ADAM28: variants seen among roughly 807,000 people sequenced by gnomAD.
ADAM28 encodes the protein ADAM metallopeptidase domain 28, also known as disintegrin and metalloproteinase domain-containing protein 28.
ADAM28 carries 105 observed loss-of-function variants against 101.2 expected under a neutral mutation model. The ratio of observed to expected loss-of-function variants is 1.04; its 90% CI spans 0.89 to 1.22. The LOEUF (loss-of-function observed/expected upper bound fraction) is 1.22, where lower values mean the gene tolerates loss of function less well. Ranked by LOEUF, ADAM28 falls within the 50% of genes most tolerant of loss-of-function variation. The pLI is 0.00. For synonymous variants in ADAM28, 322 were observed against 310.6 expected (o/e 1.04, Z -0.39); for missense variants, 1,028 against 945.4 (o/e 1.09, Z -1.15).
In ADAM28 at chr8:24,355,765, G is replaced by A. The variant is rs1209573572; in HGVS notation, c.*1361G>A. 1 of 152,026 alleles carries A rather than the reference G, an allele frequency of 6.6e-6. No homozygotes were observed. The highest frequency in any genetic ancestry group is 1.5e-5 in the Non-Finnish European group (1 of 67,994). 9.4% of individuals were successfully genotyped at this position (152,026 alleles called of 1,614,324 possible). A position where few individuals can be genotyped will look rare whatever the true frequency, so the allele number is the denominator to read the frequency against. The stretch of plus-strand genomic sequence containing the variant: ...GCTGGAGTTACCTCACACTTTCTTG[G>A]TACTCCTTATTATATGAGCCATACA... On this transcript the variant is annotated 3_prime_UTR_variant, in exon 23 of 23. Coordinates refer to ENST00000265769, the MANE Select transcript of ADAM28 (RefSeq NM_014265.6).
intron 1 of ADAM28, among the ~76,000 whole-genome samples, chr8:24,297,165 TTTTG>T (rs1382681106): frequency 6.7e-6 from 1 of 148,846 alleles, no homozygotes; most frequent in African/African-American, 2.6e-5. Flanking sequence ...GTGGGTTTTT[TTTTG>T]TTGTTGTTGT....
Position 24,321,244 on chromosome 8 carries a change from T to A in ADAM28, c.675T>A (p.Asp225Glu), listed in dbSNP as rs1811836455. The A allele has an allele frequency of 1.9e-6, 3 of 1,606,034 alleles. No individual in the cohort carries two copies. Among genetic ancestry groups the A allele is most frequent in the African/African-American group, 2.7e-5 (2 of 74,548 alleles). The change falls in exon 8 of 23, where the codon GAT (aspartate) becomes GAA (glutamate). Residue 225 changes from aspartate (D) to glutamate (E), a missense_variant. Asp to Glu is a conservative substitution (Grantham distance 45). Coordinates refer to ENST00000265769, the MANE Select transcript of ADAM28 (RefSeq NM_014265.6). ...GEFKRYNENQDEIRKRVFEMA... is the reference protein window; with the variant it reads ...GEFKRYNENQEEIRKRVFEMA... Reference sequence around the variant, plus strand: ...TTAAAAGGTACAATGAGAATCAAGATGAGATCAGAAAGAGGGTATTTGAGA... The same window carrying A: ...TTAAAAGGTACAATGAGAATCAAGAAGAGATCAGAAAGAGGGTATTTGAGA...
intron 2 of ADAM28, among the ~76,000 whole-genome samples, chr8:24,300,698 G>A (rs1048967630): frequency 1.3e-5 from 2 of 152,172 alleles, no homozygotes; most frequent in East Asian, 1.9e-4. Flanking sequence ...TTACAGGCGT[G>A]AGCTACCGCC....
chr8:24,325,680 T>C (rs1421421493), intron 9 of ADAM28, among the ~76,000 whole-genome samples: 2 of 151,586 alleles, frequency 1.3e-5, no homozygotes, highest in Non-Finnish European at 3.0e-5. Flanking sequence ...CTGCAGGGAA[T>C]GAAAAATTGG....
At chr8:24,351,614 T>C in intron 20 of ADAM28, 1 of 492,616 alleles carries the variant, frequency 2.0e-6, no homozygotes, top group Non-Finnish European at 3.7e-6. Flanking sequence ...ACACTCCCTC[T>C]AGCTTATTTC....
chr8:24,350,240 T>C (rs1299010330), intron 19 of ADAM28, among the ~76,000 whole-genome samples: 2 of 152,190 alleles, frequency 1.3e-5, no homozygotes. Flanking sequence ...ACAGATTTTT[T>C]GAATTTGTTG....
intron 1 of ADAM28, among the ~76,000 whole-genome samples, chr8:24,297,642 G>T (rs1408892760): frequency 2.6e-5 from 4 of 152,326 alleles, no homozygotes; most frequent in African/African-American, 9.6e-5. Context: ...ATTAGCTACT[G>T]TAATGTACCA....
chr8:24,334,117 T>C (rs1813707778), intron 13 of ADAM28, among the ~76,000 whole-genome samples: 1 of 152,124 alleles, frequency 6.6e-6, no homozygotes. Context: ...TTGTTAGAGA[T>C]TATGGTAGGT....
chr8:24,329,830 ACTCT>A (rs113169158), intron 10 of ADAM28, among the ~76,000 whole-genome samples, 151 bp from the exon 11 acceptor site: 1 of 142,008 alleles, frequency 7.0e-6, no homozygotes, highest in African/African-American at 2.6e-5. Flanking sequence ...TCCATTTAGT[ACTCT>A]CTCTCTCTTG....
At position 24,320,226 on chromosome 8, in the gene ADAM28, T is replaced by G. The variant is rs748183030; in HGVS notation, c.577-10T>G. The G allele has an allele frequency of 1.5e-5, 23 of 1,560,308 alleles. No homozygotes were observed. Among genetic ancestry groups the G allele is most frequent in the Non-Finnish European group, 1.9e-5 (22 of 1,136,262 alleles). On this transcript the variant is annotated splice_polypyrimidine_tract_variant and intron_variant, in intron 6 of 22. Coordinates refer to ENST00000265769, the MANE Select transcript of ADAM28 (RefSeq NM_014265.6). ...ATATTGTATCAGTAATTCTACTCTT[T>G]ATATTTCAGAAATTGAAAGACAGGA...
chr8:24,342,761 G>C (rs75228134), intron 16 of ADAM28, among the ~76,000 whole-genome samples: 11,610 of 152,146 alleles, frequency 0.076, 799 homozygotes, highest in African/African-American at 0.18. Flanking sequence ...GAAGTACTGG[G>C]ACTAGGGCAG....
intron 1 of ADAM28, among the ~76,000 whole-genome samples, chr8:24,298,873 C>T (rs1397192832): frequency 4.6e-5 from 7 of 152,038 alleles, no homozygotes; most frequent in Non-Finnish European, 7.4e-5. Flanking sequence ...ATGTTAGCTT[C>T]GAGAAAATTG....
intron 1 of ADAM28, among the ~76,000 whole-genome samples, chr8:24,297,109 A>G (rs1808065392): frequency 6.6e-6 from 1 of 152,118 alleles, no homozygotes; most frequent in East Asian, 1.9e-4. Context: ...ATTCACTTCA[A>G]ACTGAAGAGA....
At position 24,335,567 on chromosome 8, in the gene ADAM28, A is replaced by G. The variant is rs1361870538; in HGVS notation, c.1493A>G (p.His498Arg). ...DRFQVNGFPC[H>R]HGKGHCLMGT... The stretch of plus-strand genomic sequence containing the variant: ...TTCCAAGTCAATGGCTTCCCTTGCC[A>G]TCACGGGAAGGGCCACTGCTTGATG... The change falls in exon 14 of 23, where the codon CAT becomes CGT. Residue 498 changes from histidine (H) to arginine (R), a missense_variant. His to Arg is a conservative substitution (Grantham distance 29). Coordinates refer to ENST00000265769, the MANE Select transcript of ADAM28 (RefSeq NM_014265.6). The G allele has an allele frequency of 1.2e-6, 2 of 1,613,986 alleles. No homozygotes were observed. The highest frequency in any genetic ancestry group is 1.7e-6 in the Non-Finnish European group (2 of 1,179,930).
At chr8:24,346,233 A>C (rs1040683681) in intron 18 of ADAM28, among the ~76,000 whole-genome samples, 1 of 152,146 alleles carries the variant, frequency 6.6e-6, no homozygotes, top group Admixed American at 6.6e-5. Context: ...TATAAACCAT[A>C]ATAGTATTAG....
At position 24,335,474 on chromosome 8, in the gene ADAM28, C is replaced by T; in HGVS notation, c.1400C>T (p.Pro467Leu). 6.2e-7 allele frequency: 1 copy of T among 1,613,454 alleles called. No homozygotes were observed. Among genetic ancestry groups the T allele is most frequent in the East Asian group, 2.2e-5 (1 of 44,860 alleles). ...QFKKAGMVCRPAKDECDLPEM... is the reference protein window; with the variant it reads ...QFKKAGMVCRLAKDECDLPEM... Reference sequence around the variant, plus strand: ...AAAAAGGCTGGGATGGTGTGCAGACCAGCAAAAGATGAGTGCGACCTGCCT... The same window carrying T: ...AAAAAGGCTGGGATGGTGTGCAGACTAGCAAAAGATGAGTGCGACCTGCCT... Residue 467 changes from proline to leucine, a missense_variant, in exon 14 of 23, where the codon CCA becomes CTA. Physicochemically the swap from Pro to Leu is moderately conservative, Grantham distance 98 (BLOSUM62 -3). Transcript: ENST00000265769.
At chr8:24,351,588 CCT>C (rs1346319694) in intron 20 of ADAM28, 4 of 523,452 alleles carry the variant, frequency 7.6e-6, no homozygotes, top group South Asian at 2.0e-5. Flanking sequence ...ATTCTCTCTC[CCT>C]CTCTCACACA....
At chr8:24,351,861 T>C (rs1400589544) in intron 20 of ADAM28, 126 bp from the exon 21 acceptor site, 1 of 785,322 alleles carries the variant, frequency 1.3e-6, no homozygotes, top group African/African-American at 1.7e-5. Flanking sequence ...TGATTTTCTA[T>C]CTGGTCTCTT....
In ADAM28 at chr8:24,357,264, T is replaced by C. The variant is rs1816744849; in HGVS notation, c.*2860T>C. Reference sequence around the variant, plus strand: ...ATTAATATGTGTTGTTTAAAGTTGTTATGGTTTGGAGATATTTGTTATGCA... The same window carrying C: ...ATTAATATGTGTTGTTTAAAGTTGTCATGGTTTGGAGATATTTGTTATGCA... On this transcript the variant is annotated 3_prime_UTR_variant, in exon 23 of 23. Transcript: ENST00000265769. 6.6e-6 allele frequency: 1 copy of C among 152,338 alleles called. No individual in the cohort carries two copies. The highest frequency in any genetic ancestry group is 1.9e-4 in the East Asian group (1 of 5,188). The allele number at this position is 152,338 out of a possible 1,614,324, so 9.4% of individuals were successfully genotyped here.
Sources: allele counts gnomAD v4.1 joint callset (sites outside exome capture counted in the v4.1 genomes callset), GRCh38; gene constraint gnomAD v4.1.1; transcripts MANE v1.5; gene names NCBI Gene and HGNC (gene_info 2026-07-23, HGNC 2026-07-21).